Variants in PCDHA8 observed in about 807,000 individuals in gnomAD.
PCDHA8 encodes protocadherin alpha-8.
In PCDHA8, 53 loss-of-function variants were observed where a neutral mutation model predicts 61.8. The ratio of observed to expected loss-of-function variants is 0.86; its 90% confidence interval spans 0.69 to 1.08. PCDHA8 has a LOEUF of 1.08. Ranked by LOEUF, PCDHA8 falls within the 50% of genes least tolerant of loss-of-function variation. The probability of loss-of-function intolerance (pLI) is 0.00; values close to 1 mark genes in which losing one functional copy is unlikely to be tolerated. For synonymous variants in PCDHA8, 618 were observed against 556.6 expected, an observed-to-expected ratio of 1.11 and a Z score of -1.55; for missense variants, 1,293 against 1,245.0, an observed-to-expected ratio of 1.04 and a Z score of -0.58.
At chr5:140,981,601 T>C (rs2096939953) in intron 2 of PCDHA8, among the ~76,000 whole-genome samples, 1 of 152,086 alleles carries the variant, frequency 6.6e-6, no homozygotes, top group Non-Finnish European at 1.5e-5. Flanking sequence ...AACAAAATGT[T>C]CCTCTAATTT....
intron 3 of PCDHA8, among the ~76,000 whole-genome samples, chr5:141,008,578 C>T (rs1185736158): frequency 6.6e-6 from 1 of 152,202 alleles, no homozygotes; most frequent in Non-Finnish European, 1.5e-5. Context: ...TTTCCCAAGA[C>T]TCAGGGCAGA....
At chr5:140,863,608 T>C (rs548888922) in intron 1 of PCDHA8, 1 of 349,702 alleles carries the variant, frequency 2.9e-6, no homozygotes, top group Non-Finnish European at 5.6e-6. Flanking sequence ...CCTATTAATG[T>C]CCCTCATAGT....
chr5:140,986,793 G>A lies in PCDHA8; in HGVS notation c.2542+4230G>A, dbSNP rs945707149. 6.6e-5 allele frequency among the ~76,000 whole-genome samples: 10 copies of A among 152,312 alleles called. No homozygotes were observed. In the East Asian group the frequency reaches 1.7e-3, roughly 26 times the overall value. ...TTAGGTAGCGGAAGCCACTAAGGCA[G>A]TGAGTCTTAGTTAGAGAACTTTGGT... On this transcript the variant is annotated intron_variant, in intron 3 of 3. Coordinates refer to ENST00000531613, the MANE Select transcript of PCDHA8 (RefSeq NM_018911.3).
At chr5:140,868,636 TCTCA>T (rs1554162146) in intron 1 of PCDHA8, 1 of 156,044 alleles carries the variant, frequency 6.4e-6, no homozygotes, top group East Asian at 1.9e-4. Flanking sequence ...TCTCTTTCTC[TCTCA>T]CTCTGTGTAT....
At chr5:141,007,804 A>G (rs966389410) in intron 3 of PCDHA8, among the ~76,000 whole-genome samples, 1 of 152,204 alleles carries the variant, frequency 6.6e-6, no homozygotes, top group Non-Finnish European at 1.5e-5. Context: ...TTTATCTGCC[A>G]TTCATTTGCC....
chr5:140,933,522 T>A (rs1399438253), intron 1 of PCDHA8, among the ~76,000 whole-genome samples: 3 of 152,066 alleles, frequency 2.0e-5, no homozygotes, highest in Non-Finnish European at 4.4e-5. Flanking sequence ...AGCTGTTTTG[T>A]TTAAACTCAA....
chr5:140,892,477 A>G (rs2063535340), intron 1 of PCDHA8, among the ~76,000 whole-genome samples: 1 of 152,220 alleles, frequency 6.6e-6, no homozygotes, highest in South Asian at 2.1e-4. Context: ...TCAGTTTCCT[A>G]GCCAAACATG....
intron 1 of PCDHA8, chr5:140,871,342 T>C: frequency 6.2e-7 from 1 of 1,614,120 alleles, no homozygotes; most frequent in Non-Finnish European, 8.5e-7. Context: ...GGTGGGGAGC[T>C]GGTCATACTC....
At chr5:140,917,339 A>T (rs1199530347) in intron 1 of PCDHA8, among the ~76,000 whole-genome samples, 36 of 112,892 alleles carry the variant, frequency 3.2e-4, no homozygotes, top group East Asian at 2.4e-3. Context: ...GAGGGGGGGG[A>T]TGGTGTAGGC....
At chr5:140,914,670 C>T (rs554633450) in intron 1 of PCDHA8, among the ~76,000 whole-genome samples, 85 of 152,088 alleles carry the variant, frequency 5.6e-4, no homozygotes, top group African/African-American at 2.0e-3. Context: ...TCTTCTTTTT[C>T]ATGAAAATAA....
intron 1 of PCDHA8, among the ~76,000 whole-genome samples, chr5:140,917,333 G>C (rs1301739777): frequency 6.7e-5 from 10 of 148,748 alleles, no homozygotes; most frequent in East Asian, 2.0e-4. Flanking sequence ...GCGGGGGAGG[G>C]GGGGGATGGT....
chr5:140,870,546 G>T, intron 1 of PCDHA8: 1 of 1,614,086 alleles, frequency 6.2e-7, no homozygotes, highest in Non-Finnish European at 8.5e-7. Flanking sequence ...CGCGGGACGC[G>T]GACGCGCAGG....
chr5:140,904,335 C>T (rs142753502), intron 1 of PCDHA8, among the ~76,000 whole-genome samples: 2,168 of 152,034 alleles, frequency 0.014, 62 homozygotes, highest in African/African-American at 0.05. Flanking sequence ...TCTCCAGTTC[C>T]ATCCAGGTTG....
intron 3 of PCDHA8, among the ~76,000 whole-genome samples, chr5:141,000,421 A>ATT (rs34755515): frequency 0.021 from 589 of 27,976 alleles, 60 homozygotes; most frequent in Middle Eastern, 0.062. Flanking sequence ...ATATATATAT[A>ATT]TTTTTTTTTT....
intron 1 of PCDHA8, among the ~76,000 whole-genome samples, chr5:140,889,804 G>A (rs940898112): frequency 1.3e-5 from 2 of 152,112 alleles, no homozygotes; most frequent in African/African-American, 2.4e-5. Context: ...TGGGATTTAT[G>A]AAGTCAGGTC....
At chr5:140,870,962 C>T (rs1489353896) in intron 1 of PCDHA8, 3 of 1,613,532 alleles carry the variant, frequency 1.9e-6, no homozygotes, top group Admixed American at 1.7e-5. Context: ...TCGCGCATCC[C>T]GTTCCGCGTG....
chr5:141,002,333 G>T (rs782123745), intron 3 of PCDHA8, among the ~76,000 whole-genome samples: 1 of 152,196 alleles, frequency 6.6e-6, no homozygotes, highest in African/African-American at 2.4e-5. Context: ...GGCTGCATCC[G>T]CACCCCTTCC....
At chr5:141,000,899 C>T (rs1013993633) in intron 3 of PCDHA8, among the ~76,000 whole-genome samples, 18 of 151,966 alleles carry the variant, frequency 1.2e-4, no homozygotes, top group African/African-American at 2.7e-4. Flanking sequence ...CAGATATAGA[C>T]GCTGTCTCTA....
At chr5:140,955,296 G>A (rs1554221862) in intron 1 of PCDHA8, among the ~76,000 whole-genome samples, 1 of 151,904 alleles carries the variant, frequency 6.6e-6, no homozygotes, top group Admixed American at 6.6e-5. Context: ...GTTTGGCTGT[G>A]TCCCCACCCA....
Sources: gnomAD v4.1 joint callset for allele counts (sites outside exome capture counted in the v4.1 genomes callset) on GRCh38, gnomAD v4.1.1 for gene constraint, MANE v1.5 for transcripts, NCBI Gene and HGNC (gene_info 2026-07-23, HGNC 2026-07-21) for gene names.